Variants in IGSF10 observed in about 807,000 individuals in gnomAD.
The protein encoded by IGSF10 is calvaria mechanical force protein 608.
A neutral mutation model predicts 128.2 loss-of-function variants in IGSF10; 126 were observed. The ratio of observed to expected loss-of-function variants is 0.98; its 90% confidence interval spans 0.85 to 1.14. IGSF10 has a LOEUF of 1.14. IGSF10 is among the 50% of genes most tolerant of loss of function. The pLI, the probability that IGSF10 is intolerant of heterozygous loss-of-function variation, is 0.00. For missense variants in IGSF10, 3,295 were observed against 3,149.8 expected (o/e 1.05, Z -1.10); for synonymous variants, 1,185 against 1,146.2 (o/e 1.03, Z -0.68).
chr3:151,522,060 T>A, the IGSF10 span, among the ~76,000 whole-genome samples: 1 of 151,820 alleles, frequency 6.6e-6, no homozygotes, highest in South Asian at 2.1e-4. Flanking sequence ...ATCAGAAACT[T>A]CTATGAACAC....
rs372242919 is a variant in IGSF10, at chr3:151,449,129, A to G, written c.852T>C (p.Ile284=). Residue 284 remains isoleucine (I), a synonymous_variant, in exon 6 of 8, where the codon ATT becomes ATC. Coordinates refer to ENST00000282466, the MANE Select transcript of IGSF10 (RefSeq NM_178822.5). ...GGCTCTTTGATTTCAGGGATGAGTC[A>G]ATGGTTGGCTTGGCACACTGGAAAG... ...AAAFQCAKPT[I]DSSLKSKSLT... is the part of the protein sequence containing the mutation. The G allele has an allele frequency of 3.7e-6, 6 of 1,614,218 alleles. No individual in the cohort carries two copies. Among genetic ancestry groups the G allele is most frequent in the Non-Finnish European group, 5.1e-6 (6 of 1,180,046 alleles).
the IGSF10 span, among the ~76,000 whole-genome samples, chr3:151,592,511 CT>C: frequency 6.6e-6 from 1 of 152,132 alleles, no homozygotes; most frequent in Non-Finnish European, 1.5e-5. Context: ...CTATTATGCA[CT>C]TGGTAAATTA....
At chr3:151,501,048 G>A in the IGSF10 span, among the ~76,000 whole-genome samples, 1 of 151,908 alleles carries the variant, frequency 6.6e-6, no homozygotes, top group African/African-American at 2.4e-5. Context: ...CAAAAAGGAT[G>A]GATATTTTGA....
At chr3:151,558,277 A>G in the IGSF10 span, among the ~76,000 whole-genome samples, 160 of 151,468 alleles carry the variant, frequency 1.1e-3, 1 homozygote, top group Admixed American at 5.3e-3. Context: ...ACTGAGCAGA[A>G]TAAGTCAGGT....
At chr3:151,449,301 C>T (rs1316623738) in intron 5 of IGSF10, 36 bp from the exon 6 acceptor site, 1 of 1,503,094 alleles carries the variant, frequency 6.7e-7, no homozygotes, top group Non-Finnish European at 8.9e-7. Flanking sequence ...TCAGTTGTGA[C>T]CTCTTTATGA....
the IGSF10 span, among the ~76,000 whole-genome samples, chr3:151,535,524 T>A: frequency 4.6e-5 from 7 of 152,142 alleles, 1 homozygote; most frequent in East Asian, 1.3e-3. Flanking sequence ...GAATCAATCG[T>A]ACCCTAAACC....
the IGSF10 span, among the ~76,000 whole-genome samples, chr3:151,541,539 T>C: frequency 6.6e-6 from 1 of 152,234 alleles, no homozygotes; most frequent in Non-Finnish European, 1.5e-5. Flanking sequence ...CTCATGGTTG[T>C]ATTTTAAAGT....
rs1721994212 is a variant in IGSF10 at position 151,460,375 on chromosome 3, A to G, written c.-88-28T>C. The G allele has an allele frequency of 2.7e-6, 2 of 753,552 alleles. 1 individual carries two copies. Among genetic ancestry groups the G allele is most frequent in the South Asian group, 1.2e-4 (2 of 16,670 alleles). The allele number at this position is 753,552 out of a possible 1,614,324, so 46.7% of individuals were successfully genotyped here. On this transcript the variant is annotated intron_variant, in intron 1 of 7. Coordinates refer to ENST00000282466, the MANE Select transcript of IGSF10 (RefSeq NM_178822.5). ...GAGGGAGGAAAAGTTCTCTGCTCCAAAGTGAGCAAAAAGCCTTATTCTTTT... is the reference window on the plus strand; with the variant it reads ...GAGGGAGGAAAAGTTCTCTGCTCCAGAGTGAGCAAAAAGCCTTATTCTTTT...
At chr3:151,467,259 T>C in the IGSF10 span, among the ~76,000 whole-genome samples, 3 of 152,054 alleles carry the variant, frequency 2.0e-5, no homozygotes, top group African/African-American at 4.8e-5. Flanking sequence ...CTGAAGATGA[T>C]GAAAAAGAGG....
At chr3:151,590,214 A>C in the IGSF10 span, among the ~76,000 whole-genome samples, 3 of 151,972 alleles carry the variant, frequency 2.0e-5, no homozygotes, top group African/African-American at 4.8e-5. Context: ...AATTTTAAAA[A>C]ATTTTTTGTA....
chr3:151,457,675 C>A (rs1019250762), intron 3 of IGSF10, among the ~76,000 whole-genome samples: 74 of 152,236 alleles, frequency 4.9e-4, no homozygotes, highest in African/African-American at 1.7e-3. Flanking sequence ...TCAGTTTCCT[C>A]ATCTATAAAA....
chr3:151,535,085 A>C, the IGSF10 span, among the ~76,000 whole-genome samples: 1 of 152,166 alleles, frequency 6.6e-6, no homozygotes, highest in Non-Finnish European at 1.5e-5. Context: ...TACTATCTCT[A>C]AAGGTTTTTG....
rs1433815749 is a variant in IGSF10 at position 151,443,851 on chromosome 3, C to G, written c.5096G>C (p.Arg1699Thr). 3 of 1,609,818 alleles carry G rather than the reference C, an allele frequency of 1.9e-6. No homozygotes were observed. The African/African-American group carries it at 4.0e-5, about 21-fold the overall frequency. Reference protein sequence around the residue: ...LDLSKRKQNSRVQVLPNGTLS... With the variant: ...LDLSKRKQNSTVQVLPNGTLS... ...GGTACCATTGGGGAGAACCTGGACC[C>G]TGCTATTCTGTTTCCTCTTAGATAA... Residue 1699 changes from arginine to threonine, a missense_variant, in exon 7 of 8, where the codon AGG (arginine) becomes ACG (threonine). Physicochemically the swap from Arg to Thr is moderately conservative, Grantham distance 71 (BLOSUM62 -1). Transcript: ENST00000282466.
chr3:151,531,227 C>T, the IGSF10 span, among the ~76,000 whole-genome samples: 3,866 of 152,224 alleles, frequency 0.025, 73 homozygotes, highest in East Asian at 0.063. Context: ...TAGACTCCCA[C>T]ACAATAACAG....
the IGSF10 span, among the ~76,000 whole-genome samples, chr3:151,515,367 G>A: frequency 1.1e-4 from 16 of 148,536 alleles, no homozygotes; most frequent in East Asian, 3.2e-3. Flanking sequence ...CTATCGCAAG[G>A]ACAGAAAAAC....
At position 151,443,578 on chromosome 3, in the gene IGSF10, G is replaced by T. The variant is rs774174028; in HGVS notation, c.5369C>A (p.Ser1790Ter). The change falls in exon 7 of 8, where the codon TCA (serine) becomes TAA (stop). Residue 1790 changes from serine (S) to a stop codon, truncating the protein, a stop_gained. Transcript: ENST00000282466. LOFTEE classifies it high-confidence loss of function. ...CACAGCCTGCCTACTTCCCTGGGAT[G>T]ATTCTGAGACAACTGTTTGGTTTGC... ...ILANQTVVSE[S>*]SQGSRQAVVT... 6.2e-7 allele frequency: 1 copy of T among 1,614,260 alleles called. No homozygotes were observed. Among genetic ancestry groups the T allele is most frequent in the Non-Finnish European group, 8.5e-7 (1 of 1,180,048 alleles).
the IGSF10 span, among the ~76,000 whole-genome samples, chr3:151,491,759 A>G: frequency 1.3e-5 from 2 of 152,162 alleles, no homozygotes; most frequent in Non-Finnish European, 2.9e-5. Context: ...AAACGCTTCC[A>G]AAAATAGAGC....
the IGSF10 span, among the ~76,000 whole-genome samples, chr3:151,491,810 T>C: frequency 2.1e-4 from 32 of 152,220 alleles, no homozygotes; most frequent in African/African-American, 7.2e-4. Flanking sequence ...AGCATAACCC[T>C]GATACATAAG....
chr3:151,501,512 T>G, the IGSF10 span, among the ~76,000 whole-genome samples: 1 of 152,134 alleles, frequency 6.6e-6, no homozygotes, highest in Non-Finnish European at 1.5e-5. Context: ...TCTATTCAAG[T>G]TAGTCATCAG....
Sources: gnomAD v4.1 joint callset for allele counts (sites outside exome capture counted in the v4.1 genomes callset) on GRCh38, gnomAD v4.1.1 for gene constraint, MANE v1.5 for transcripts, NCBI Gene and HGNC (gene_info 2026-07-23, HGNC 2026-07-21) for gene names.